REEP5: variants seen among roughly 807,000 people sequenced by gnomAD.
REEP5 encodes the protein receptor accessory protein 5.
Under a neutral mutation model 22.4 loss-of-function variants are expected in REEP5, and 24 were observed. The observed-to-expected ratio is 1.07, with a 90% CI of 0.78 to 1.51. The LOEUF (loss-of-function observed/expected upper bound fraction) is 1.51. Among genes scored for constraint, REEP5 ranks in the 40% most tolerant of loss-of-function variants. The pLI is 0.00. For synonymous variants in REEP5, 103 were observed against 88.6 expected (o/e 1.16, Z -0.92); for missense variants, 252 against 233.0 (o/e 1.08, Z -0.53).
At chr5:112,888,476 G>A (rs1370934325) in intron 3 of REEP5, among the ~76,000 whole-genome samples, 1 of 152,188 alleles carries the variant, frequency 6.6e-6, no homozygotes, top group Non-Finnish European at 1.5e-5. Flanking sequence ...AGGCTGGAGT[G>A]CAGTGGCATG....
chr5:112,922,116 C>T lies in REEP5; in HGVS notation c.75G>A (p.Lys25=). The change falls in exon 1 of 5, where the codon AAG becomes AAA. Residue 25 remains lysine (K), a synonymous_variant. Transcript: ENST00000379638. ...EKNCMTDLLA[K]LEAKTGVNRS... ...TGTTCACGCCGGTTTTGGCCTCGAGCTTGGCCAGAAGGTCAGTCATGCAGT... is the reference window on the plus strand; with the variant it reads ...TGTTCACGCCGGTTTTGGCCTCGAGTTTGGCCAGAAGGTCAGTCATGCAGT... 1 of 1,605,672 alleles carries T rather than the reference C, an allele frequency of 6.2e-7. No homozygotes were observed. The highest frequency in any genetic ancestry group is 8.5e-7 in the Non-Finnish European group (1 of 1,176,220).
chr5:112,916,359 C>G (rs1001411852), intron 2 of REEP5, among the ~76,000 whole-genome samples: 4 of 152,200 alleles, frequency 2.6e-5, no homozygotes, highest in African/African-American at 7.2e-5. Flanking sequence ...TGAAACAGAA[C>G]TAAAGGCAAC....
At chr5:112,879,991 A>C (rs931400803) in intron 4 of REEP5, among the ~76,000 whole-genome samples, 2 of 152,020 alleles carry the variant, frequency 1.3e-5, no homozygotes, top group Admixed American at 1.3e-4. Context: ...ATGCTATATA[A>C]ATTGTTGTTA....
At chr5:112,921,928 G>T in intron 1 of REEP5, 145 bp downstream of exon 1, 2 of 1,063,732 alleles carry the variant, frequency 1.9e-6, no homozygotes, top group Non-Finnish European at 2.5e-6. Context: ...TTTCCGGGAG[G>T]CCAGCCTGAT....
intron 2 of REEP5, among the ~76,000 whole-genome samples, chr5:112,909,704 G>A (rs2150046591): frequency 6.6e-6 from 1 of 152,232 alleles, no homozygotes; most frequent in Non-Finnish European, 1.5e-5. Flanking sequence ...CCCTCATCCA[G>A]TACACTGGGC....
intron 1 of REEP5, 72 bp downstream of exon 1, chr5:112,922,001 T>C: frequency 6.6e-7 from 1 of 1,522,728 alleles, no homozygotes; most frequent in Non-Finnish European, 8.8e-7. Flanking sequence ...CTCTCCCTGC[T>C]TCCTTCCCCA....
chr5:112,884,691 C>A (rs191713550), intron 4 of REEP5, among the ~76,000 whole-genome samples: 1 of 151,594 alleles, frequency 6.6e-6, no homozygotes, highest in Admixed American at 6.6e-5. Context: ...GATTCCTTTA[C>A]TACTATTGAG....
At chr5:112,882,261 C>G (rs548568654) in intron 4 of REEP5, among the ~76,000 whole-genome samples, 2 of 152,104 alleles carry the variant, frequency 1.3e-5, no homozygotes, top group East Asian at 3.9e-4. Flanking sequence ...TCAAGCATCC[C>G]ACTCAGCCAC....
chr5:112,881,296 C>G (rs1339280011), intron 4 of REEP5, among the ~76,000 whole-genome samples: 1 of 152,116 alleles, frequency 6.6e-6, no homozygotes, highest in East Asian at 1.9e-4. Flanking sequence ...CATACCACTT[C>G]TGGGGCATCA....
At chr5:112,915,638 C>G (rs1315272426) in intron 2 of REEP5, among the ~76,000 whole-genome samples, 1 of 152,166 alleles carries the variant, frequency 6.6e-6, no homozygotes, top group African/African-American at 2.4e-5. Context: ...TCACAGTTTG[C>G]AGAATGCCTG....
intron 3 of REEP5, among the ~76,000 whole-genome samples, chr5:112,899,458 A>G (rs1161106597): frequency 6.6e-6 from 1 of 152,126 alleles, no homozygotes; most frequent in Non-Finnish European, 1.5e-5. Context: ...ATAACTTTTC[A>G]TAATTACTAA....
intron 2 of REEP5, among the ~76,000 whole-genome samples, chr5:112,908,777 G>A (rs1206730118): frequency 1.3e-5 from 2 of 151,122 alleles, no homozygotes; most frequent in African/African-American, 4.9e-5. Context: ...GGATTGTCTC[G>A]ATCTCCTGAC....
rs1189280457 is a variant in REEP5 at position 112,877,215 on chromosome 5, TAGTA to T, written c.*1567_*1570del. On this transcript the variant is annotated 3_prime_UTR_variant, in exon 5 of 5. Transcript: ENST00000379638. ...ATTATATTAGAGTGATACTGTCACT[TAGTA>T]TTGATATCTTTAATATTTTTTACAT... The T allele has an allele frequency of 6.6e-6, 1 of 152,232 alleles. No homozygotes were observed. Among genetic ancestry groups the T allele is most frequent in the Non-Finnish European group, 1.5e-5 (1 of 68,028 alleles). 9.4% of individuals were successfully genotyped at this position (152,232 alleles called of 1,614,324 possible).
At chr5:112,889,079 C>T (rs1768350743) in intron 3 of REEP5, among the ~76,000 whole-genome samples, 1 of 150,864 alleles carries the variant, frequency 6.6e-6, no homozygotes, top group African/African-American at 2.5e-5. Flanking sequence ...CCTTCATCTT[C>T]CACCATGATT....
chr5:112,902,272 G>T, intron 3 of REEP5, 108 bp downstream of exon 3: 6 of 1,139,102 alleles, frequency 5.3e-6, no homozygotes, highest in South Asian at 2.0e-5. Flanking sequence ...CTGTCTTCTT[G>T]TTTATAATCT....
intron 2 of REEP5, among the ~76,000 whole-genome samples, chr5:112,915,375 C>G (rs976632963): frequency 6.6e-6 from 1 of 152,140 alleles, no homozygotes; most frequent in South Asian, 2.1e-4. Flanking sequence ...CACAGGCAAG[C>G]GGGCGAACCT....
At chr5:112,888,317 C>T (rs992562459) in intron 3 of REEP5, among the ~76,000 whole-genome samples, 3 of 152,182 alleles carry the variant, frequency 2.0e-5, no homozygotes, top group Non-Finnish European at 2.9e-5. Context: ...GTTTAAAATG[C>T]ACAAATAGCT....
chr5:112,899,330 A>T (rs375071634), intron 3 of REEP5, among the ~76,000 whole-genome samples: 2 of 151,086 alleles, frequency 1.3e-5, no homozygotes, highest in East Asian at 3.9e-4. Context: ...GTGTGTGTGG[A>T]GACAGGGTCT....
chr5:112,890,908 A>C (rs11241187), intron 3 of REEP5, among the ~76,000 whole-genome samples: 3,331 of 150,640 alleles, frequency 0.022, 303 homozygotes, highest in African/African-American at 0.078. Context: ...TTACCCCTAT[A>C]ATTTTGTAAG....
Sources: gnomAD v4.1 joint callset for allele counts (sites outside exome capture counted in the v4.1 genomes callset) on GRCh38, gnomAD v4.1.1 for gene constraint, MANE v1.5 for transcripts, NCBI Gene and HGNC (gene_info 2026-07-23, HGNC 2026-07-21) for gene names.